Variants in DKK2 observed in about 807,000 individuals in gnomAD.
The protein encoded by DKK2 is dickkopf-related protein 2.
DKK2 carries 11 observed loss-of-function variants against 28.1 expected under a neutral mutation model. The observed-to-expected ratio is 0.39, with a 90% CI of 0.25 to 0.65. The LOEUF is 0.65. DKK2 is among the 30% of genes least tolerant of loss of function. DKK2 has a pLI of 0.47. For synonymous variants in DKK2, 135 were observed against 126.5 expected (o/e 1.07, Z -0.45); for missense variants, 326 against 335.5 (o/e 0.97, Z 0.22).
At chr4:106,944,248 T>C (rs1229072684) in intron 1 of DKK2, among the ~76,000 whole-genome samples, 1 of 152,018 alleles carries the variant, frequency 6.6e-6, no homozygotes, top group Non-Finnish European at 1.5e-5. Flanking sequence ...ACCCAAACAT[T>C]TATATGATGT....
chr4:106,955,466 G>C (rs1578355987), intron 1 of DKK2, among the ~76,000 whole-genome samples: 2 of 152,198 alleles, frequency 1.3e-5, no homozygotes, highest in Non-Finnish European at 1.5e-5. Context: ...CAGTGTGTCT[G>C]TTGGCTAATT....
chr4:106,957,411 C>A (rs1722611174), intron 1 of DKK2, among the ~76,000 whole-genome samples: 1 of 151,852 alleles, frequency 6.6e-6, no homozygotes, highest in Admixed American at 6.6e-5. Flanking sequence ...GGGTATATAC[C>A]CAAAGGATTA....
chr4:106,943,144 C>T (rs547225665), intron 1 of DKK2, among the ~76,000 whole-genome samples: 2 of 152,144 alleles, frequency 1.3e-5, no homozygotes, highest in Non-Finnish European at 2.9e-5. Context: ...TTTTAAGCAA[C>T]CTTCCAAGCT....
At chr4:107,033,105 C>T (rs1050539149) in intron 1 of DKK2, among the ~76,000 whole-genome samples, 3 of 152,134 alleles carry the variant, frequency 2.0e-5, no homozygotes, top group Non-Finnish European at 4.4e-5. Flanking sequence ...AAGAAGAATA[C>T]ACAAAATAAA....
chr4:106,973,705 G>A (rs1051645898), intron 1 of DKK2, among the ~76,000 whole-genome samples: 3 of 152,102 alleles, frequency 2.0e-5, no homozygotes, highest in Admixed American at 1.3e-4. Flanking sequence ...TCTGATGATA[G>A]TTTCTTTTGC....
chr4:106,989,815 TATA>T (rs1723178784), intron 1 of DKK2, among the ~76,000 whole-genome samples: 1 of 152,108 alleles, frequency 6.6e-6, no homozygotes, highest in Non-Finnish European at 1.5e-5. Flanking sequence ...TTGAGGAGAG[TATA>T]ATAATGGTGA....
In DKK2 at chr4:107,025,777, T is replaced by C. The variant is rs550006139; in HGVS notation, c.222+9593A>G. On this transcript the variant is annotated intron_variant, in intron 1 of 3. Coordinates refer to ENST00000285311, the MANE Select transcript of DKK2 (RefSeq NM_014421.3). ...TTAAAACTGATTGACACAGCTGTCA[T>C]CGTGACATTGTAAACTTTGATAATA... is the stretch of plus-strand genomic sequence containing the variant. Among the ~76,000 whole-genome samples the C allele has an allele frequency of 7.2e-5, 11 of 152,360 alleles. No individual in the cohort carries two copies. The East Asian group carries it at 2.1e-3, about 29-fold the overall frequency.
intron 1 of DKK2, among the ~76,000 whole-genome samples, chr4:106,958,969 C>T (rs1000315818): frequency 2.6e-5 from 4 of 151,832 alleles, no homozygotes; most frequent in Non-Finnish European, 4.4e-5. Context: ...ATTCAGTTTT[C>T]CTAGTGTTAT....
intron 1 of DKK2, among the ~76,000 whole-genome samples, chr4:106,993,582 G>A (rs537763396): frequency 1.3e-5 from 2 of 152,086 alleles, no homozygotes; most frequent in East Asian, 1.9e-4. Context: ...ATATATATAA[G>A]CTCTTAGTGA....
intron 1 of DKK2, among the ~76,000 whole-genome samples, chr4:106,949,172 GGA>G (rs1447256989): frequency 6.6e-6 from 1 of 152,196 alleles, no homozygotes; most frequent in African/African-American, 2.4e-5. Flanking sequence ...GAGCATTGCA[GGA>G]GAGTCAACAG....
intron 1 of DKK2, among the ~76,000 whole-genome samples, chr4:106,954,398 A>G (rs2110347788): frequency 6.6e-6 from 1 of 152,326 alleles, no homozygotes; most frequent in South Asian, 2.1e-4. Context: ...TAGCCTAGGA[A>G]ATAAGAGAGG....
In DKK2 at chr4:106,923,951, T is replaced by C; in HGVS notation, c.*3A>G. On this transcript the variant is annotated 3_prime_UTR_variant, in exon 4 of 4. Transcript: ENST00000285311. Reference sequence around the variant, plus strand: ...TGCAATTGATGATGTTCCTCAATGGTGATCAAATTTTCTGACACACATGGA... The same window carrying C: ...TGCAATTGATGATGTTCCTCAATGGCGATCAAATTTTCTGACACACATGGA... The C allele has an allele frequency of 6.2e-7, 1 of 1,613,132 alleles. No homozygotes were observed. The highest frequency in any genetic ancestry group is 8.5e-7 in the Non-Finnish European group (1 of 1,179,104).
intron 1 of DKK2, among the ~76,000 whole-genome samples, chr4:106,961,469 AC>A (rs1410150934): frequency 6.6e-6 from 1 of 152,078 alleles, no homozygotes; most frequent in Non-Finnish European, 1.5e-5. Flanking sequence ...ATAAGTGGTT[AC>A]AGAATTTCAA....
chr4:106,988,846 T>C (rs1723163493), intron 1 of DKK2, among the ~76,000 whole-genome samples: 1 of 152,192 alleles, frequency 6.6e-6, no homozygotes, highest in Non-Finnish European at 1.5e-5. Context: ...GTGTACAGTT[T>C]ACATGTTTGA....
chr4:106,942,785 C>A (rs916540348), intron 1 of DKK2, among the ~76,000 whole-genome samples: 1 of 151,776 alleles, frequency 6.6e-6, no homozygotes, highest in South Asian at 2.1e-4. Flanking sequence ...TTTTTTCCCT[C>A]ACATTGAACA....
Position 107,035,378 on chromosome 4 carries a change from G to C in DKK2, c.214C>G (p.Leu72Val), listed in dbSNP as rs773568070. 1 of 1,614,192 alleles carries C rather than the reference G, an allele frequency of 6.2e-7. No individual in the cohort carries two copies. The highest frequency in any genetic ancestry group is 1.7e-5 in the Admixed American group (1 of 60,034). ...AFGGSKKGKN[L>V]GQAYPCSSDK... Reference sequence around the variant, plus strand: ...TTTGGGGGTTTTCCTACCTGCCCCAGGTTTTTGCCCTTCTTACTGCCGCCG... The same window carrying C: ...TTTGGGGGTTTTCCTACCTGCCCCACGTTTTTGCCCTTCTTACTGCCGCCG... Residue 72 changes from leucine to valine, a missense_variant, in exon 1 of 4, where the codon CTG (leucine) becomes GTG (valine). Leu to Val is a conservative substitution (Grantham distance 32). Transcript: ENST00000285311.
chr4:106,956,405 C>A (rs545139544), intron 1 of DKK2, among the ~76,000 whole-genome samples: 14 of 152,234 alleles, frequency 9.2e-5, no homozygotes, highest in Middle Eastern at 3.4e-3. Flanking sequence ...AAACTACTTT[C>A]AAGTTCATAT....
chr4:106,984,981 G>A (rs963634781), intron 1 of DKK2, among the ~76,000 whole-genome samples: 3 of 152,010 alleles, frequency 2.0e-5, no homozygotes, highest in African/African-American at 4.8e-5. Flanking sequence ...AGACCGAAGC[G>A]GGCAGATCAC....
rs1316910733 is a variant in DKK2 at position 106,923,074 on chromosome 4, A to T, written c.*880T>A. On this transcript the variant is annotated 3_prime_UTR_variant, in exon 4 of 4. Transcript: ENST00000285311. ...TCCCACATATATTGGACATCTTTAA[A>T]TTTTTTTGCCATCTGTGAAAATTCT... 1.3e-5 allele frequency: 2 copies of T among 152,022 alleles called. No homozygotes were observed. The highest frequency in any genetic ancestry group is 2.9e-5 in the Non-Finnish European group (2 of 67,996). 9.4% of individuals were successfully genotyped at this position (152,022 alleles called of 1,614,324 possible).
Sources: gnomAD v4.1 joint callset for allele counts (sites outside exome capture counted in the v4.1 genomes callset) on GRCh38, gnomAD v4.1.1 for gene constraint, MANE v1.5 for transcripts, NCBI Gene and HGNC (gene_info 2026-07-23, HGNC 2026-07-21) for gene names.